The following PCDHA2 variants were observed in gnomAD, a reference collection of about 807,000 sequenced individuals.
PCDHA2 encodes protocadherin alpha 2.
A neutral mutation model predicts 66.0 loss-of-function variants in PCDHA2; 58 were observed. The ratio of observed to expected loss-of-function variants is 0.88; its 90% CI spans 0.71 to 1.09. The LOEUF is 1.09. PCDHA2 is among the 50% of genes least tolerant of loss of function. The pLI is 0.00. For missense variants in PCDHA2, 1,267 were observed against 1,242.3 expected, an observed-to-expected ratio of 1.02 and a Z score of -0.30; for synonymous variants, 634 against 554.0, an observed-to-expected ratio of 1.14 and a Z score of -2.03.
intron 1 of PCDHA2, among the ~76,000 whole-genome samples, chr5:140,973,010 T>C (rs2096567986): frequency 6.6e-6 from 1 of 152,080 alleles, no homozygotes; most frequent in Admixed American, 6.6e-5. Context: ...GGTCGTGGTG[T>C]TGTGATTGTT....
chr5:140,894,678 G>A (rs2064610623), intron 1 of PCDHA2, among the ~76,000 whole-genome samples: 2 of 151,110 alleles, frequency 1.3e-5, no homozygotes, highest in African/African-American at 4.9e-5. Flanking sequence ...TTCTTGCATA[G>A]CTTTTCATTA....
At chr5:140,831,422 C>A (rs1252502476) in intron 1 of PCDHA2, among the ~76,000 whole-genome samples, 1 of 151,184 alleles carries the variant, frequency 6.6e-6, no homozygotes, top group East Asian at 1.9e-4. Context: ...TACAGTGGTG[C>A]AATAATGGCT....
At chr5:140,877,093 G>C in intron 1 of PCDHA2, 1 of 1,613,296 alleles carries the variant, frequency 6.2e-7, no homozygotes, top group Non-Finnish European at 8.5e-7. Context: ...GCGCGACGCC[G>C]GCGTGCCGCC....
rs781852534 is a variant in PCDHA2, at chr5:140,982,552, G to T, written c.2525G>T (p.Ser842Ile). 1 of 1,614,168 alleles carries T rather than the reference G, an allele frequency of 6.2e-7. No individual in the cohort carries two copies. The highest frequency in any genetic ancestry group is 2.2e-5 in the East Asian group (1 of 44,892). ...GATCAGCAGTGGCCAACAGTATCCAGTGCAACACCAGGTAAAGAGCTGGGG... is the reference window on the plus strand; with the variant it reads ...GATCAGCAGTGGCCAACAGTATCCATTGCAACACCAGGTAAAGAGCTGGGG... The part of the protein sequence containing the change: ...GPDQQWPTVS[S>I]ATPEPEAGEV... Residue 842 changes from serine (S) to isoleucine (I), a missense_variant, in exon 3 of 4, where the codon AGT (serine) becomes ATT (isoleucine). Physicochemically the swap from Ser to Ile is moderately radical, Grantham distance 142. Coordinates refer to ENST00000526136, the MANE Select transcript of PCDHA2 (RefSeq NM_018905.3).
intron 3 of PCDHA2, among the ~76,000 whole-genome samples, chr5:141,007,512 G>C (rs2098333445): frequency 6.6e-6 from 1 of 152,040 alleles, no homozygotes; most frequent in Admixed American, 6.6e-5. Context: ...AGACTGCAGT[G>C]AGCTGATATC....
intron 1 of PCDHA2, chr5:140,882,118 T>G: frequency 1.4e-6 from 2 of 1,431,994 alleles, no homozygotes; most frequent in Non-Finnish European, 9.4e-7. Context: ...AAGCCGCCGT[T>G]TCTTTCTTCC....
At chr5:140,863,396 G>A (rs782335492) in intron 1 of PCDHA2, 12 of 872,454 alleles carry the variant, frequency 1.4e-5, no homozygotes, top group South Asian at 8.9e-5. Context: ...TGCATGCCGG[G>A]CAAGCCCACG....
intron 1 of PCDHA2, among the ~76,000 whole-genome samples, chr5:140,943,822 A>T (rs2093570990): frequency 6.6e-6 from 1 of 152,220 alleles, no homozygotes; most frequent in Non-Finnish European, 1.5e-5. Context: ...GAAGAAAATG[A>T]GTTGATTGAA....
chr5:140,844,883 C>T (rs932765025), intron 1 of PCDHA2, among the ~76,000 whole-genome samples: 1 of 149,278 alleles, frequency 6.7e-6, no homozygotes, highest in African/African-American at 2.5e-5. Flanking sequence ...CATTAGACTT[C>T]GTGCATATTG....
chr5:140,845,590 G>A (rs1475387499), intron 1 of PCDHA2, among the ~76,000 whole-genome samples: 3 of 149,560 alleles, frequency 2.0e-5, no homozygotes, highest in Non-Finnish European at 4.5e-5. Flanking sequence ...AAATGTGTCA[G>A]AAGTTAGTTA....
At chr5:140,924,895 AAAAAAAAAAATAAAAT>A (rs200266637) in intron 1 of PCDHA2, among the ~76,000 whole-genome samples, 43,424 of 132,064 alleles carry the variant, frequency 0.33, 6,815 homozygotes, top group East Asian at 0.57. Flanking sequence ...AACCTGTCTC[AAAAAAAAAAATAAAAT>A]AAAATAAAAT....
chr5:140,857,059 G>A lies in PCDHA2; in HGVS notation c.2388+59707G>A. On this transcript the variant is annotated intron_variant, in intron 1 of 3. Transcript: ENST00000526136. The stretch of plus-strand genomic sequence containing the variant: ...TGGTTGGTCACTGCACGGTCCTAGT[G>A]GAACTACTGGATGAAAATGATAATT... The A allele has an allele frequency of 4.4e-6, 7 of 1,594,522 alleles. 2 individuals are homozygous for A. The highest frequency in any genetic ancestry group is 6.0e-6 in the Non-Finnish European group (7 of 1,164,610).
At position 140,796,649 on chromosome 5, in the gene PCDHA2, C is replaced by G. The variant is rs1554120026; in HGVS notation, c.1685C>G (p.Ala562Gly). 1 of 1,613,864 alleles carries G rather than the reference C, an allele frequency of 6.2e-7. No homozygotes were observed. The highest frequency in any genetic ancestry group is 2.2e-5 in the East Asian group (1 of 44,878). The change falls in exon 1 of 4, where the codon GCG becomes GGG. Residue 562 changes from alanine to glycine, a missense_variant. Coordinates refer to ENST00000526136, the MANE Select transcript of PCDHA2 (RefSeq NM_018905.3). ...QVFVLDENDNAPALLAPRAGT... is the reference protein window; with the variant it reads ...QVFVLDENDNGPALLAPRAGT... The stretch of plus-strand genomic sequence containing the variant: ...TTCGTGCTGGACGAGAACGACAACG[C>G]GCCGGCACTGTTGGCGCCTAGGGCT...
intron 1 of PCDHA2, chr5:140,966,173 A>C (rs2095976741): frequency 5.4e-6 from 1 of 184,728 alleles, no homozygotes; most frequent in Admixed American, 6.2e-5. Context: ...TTTCCTGGGG[A>C]GCTGATAGCC....
At chr5:140,899,032 A>G (rs1377878756) in intron 1 of PCDHA2, among the ~76,000 whole-genome samples, 2 of 151,890 alleles carry the variant, frequency 1.3e-5, no homozygotes, top group African/African-American at 4.8e-5. Context: ...ATTTTTGTAC[A>G]TTGATTTTGT....
chr5:141,010,255 C>T lies in PCDHA2; in HGVS notation c.*318C>T. The T allele has an allele frequency of 6.4e-7, 1 of 1,551,816 alleles. No homozygotes were observed. Among genetic ancestry groups the T allele is most frequent in the Non-Finnish European group, 8.7e-7 (1 of 1,147,020 alleles). ...CCAGTGAGAGGTTGGACTCTCTGCC[C>T]TGTGCTCCGGGGATCCTGTCTTGAT... is the stretch of plus-strand genomic sequence containing the variant. On this transcript the variant is annotated 3_prime_UTR_variant, in exon 4 of 4. Coordinates refer to ENST00000526136, the MANE Select transcript of PCDHA2 (RefSeq NM_018905.3).
Position 140,795,211 on chromosome 5 carries a change from A to G in PCDHA2, c.247A>G (p.Ile83Val), listed in dbSNP as rs1554119299. The G allele has an allele frequency of 2.5e-6, 4 of 1,614,154 alleles. No individual in the cohort carries two copies. Among genetic ancestry groups the G allele is most frequent in the Non-Finnish European group, 3.4e-6 (4 of 1,180,024 alleles). The change falls in exon 1 of 4, where the codon ATT becomes GTT. Residue 83 changes from isoleucine (I) to valine (V), a missense_variant. Transcript: ENST00000526136. ...DLLEVNLQNG[I>V]LFVNSRIDRE... Reference sequence around the variant, plus strand: ...TCTGGAGGTAAATCTGCAGAATGGCATTTTGTTTGTGAATTCTCGGATCGA... The same window carrying G: ...TCTGGAGGTAAATCTGCAGAATGGCGTTTTGTTTGTGAATTCTCGGATCGA...
Position 140,795,865 on chromosome 5 carries a change from G to T in PCDHA2, c.901G>T (p.Glu301Ter). Residue 301 changes from glutamate (E) to a stop codon, truncating the protein, a stop_gained, in exon 1 of 4, where the codon GAA (glutamate) becomes TAA (stop). Coordinates refer to ENST00000526136, the MANE Select transcript of PCDHA2 (RefSeq NM_018905.3). LOFTEE classifies it high-confidence loss of function. ...TKFTIDPISG[E>*]IRTKGKLDYE... is the part of the protein sequence containing the mutation. Reference sequence around the variant, plus strand: ...GTTTACCATAGATCCCATCTCAGGGGAAATCAGAACTAAGGGAAAATTAGA... The same window carrying T: ...GTTTACCATAGATCCCATCTCAGGGTAAATCAGAACTAAGGGAAAATTAGA... The T allele has an allele frequency of 6.2e-7, 1 of 1,613,946 alleles. No homozygotes were observed. Among genetic ancestry groups the T allele is most frequent in the Non-Finnish European group, 8.5e-7 (1 of 1,179,990 alleles).
rs1430300644 is a variant in PCDHA2 at position 141,011,992 on chromosome 5, C to T, written c.*2055C>T. 6.5e-6 allele frequency: 1 copy of T among 153,658 alleles called. No individual in the cohort carries two copies. The highest frequency in any genetic ancestry group is 1.5e-5 in the Non-Finnish European group (1 of 68,022). 9.5% of individuals were successfully genotyped at this position (153,658 alleles called of 1,614,324 possible). ...TGTCTTGTCTACTTTTAGCTTCATTCTCCCATATTTTGAAGGGTGTGTAAC... is the reference window on the plus strand; with the variant it reads ...TGTCTTGTCTACTTTTAGCTTCATTTTCCCATATTTTGAAGGGTGTGTAAC... On this transcript the variant is annotated 3_prime_UTR_variant, in exon 4 of 4. Transcript: ENST00000526136.
Sources: allele counts gnomAD v4.1 joint callset (sites outside exome capture counted in the v4.1 genomes callset), GRCh38; gene constraint gnomAD v4.1.1; transcripts MANE v1.5; gene names NCBI Gene and HGNC (gene_info 2026-07-23, HGNC 2026-07-21).